MYH11: variants seen among roughly 807,000 people sequenced by gnomAD.
MYH11 encodes the protein myosin-11.
A neutral mutation model predicts 246.6 loss-of-function variants in MYH11; 80 were observed. The observed-to-expected ratio is 0.32, with a 90% confidence interval of 0.27 to 0.39. The LOEUF is 0.39. Among genes scored for constraint, MYH11 ranks in the 10% least tolerant of loss-of-function variants. The pLI, the probability that MYH11 is intolerant of heterozygous loss-of-function variation, is 1.00. For synonymous variants in MYH11, 1,071 were observed against 1,015.5 expected (o/e 1.05, Z -1.04); for missense variants, 2,158 against 2,546.8 (o/e 0.85, Z 3.29).
chr16:15,706,979 A>T (rs1474182729), intron 40 of MYH11, among the ~76,000 whole-genome samples: 1 of 152,096 alleles, frequency 6.6e-6, no homozygotes, highest in Non-Finnish European at 1.5e-5. Context: ...CACCAACTAT[A>T]CCTGTTACAG....
chr16:15,725,155 A>C, intron 28 of MYH11, 163 bp from the exon 29 acceptor site: 2 of 649,516 alleles, frequency 3.1e-6, no homozygotes, highest in East Asian at 2.7e-5. Context: ...AAAAACACAC[A>C]CACACACAAA....
chr16:15,721,159 TC>T, intron 32 of MYH11, 108 bp from the exon 33 acceptor site: 1 of 1,238,416 alleles, frequency 8.1e-7, no homozygotes, highest in South Asian at 1.3e-5. Flanking sequence ...GGCTTTGGCC[TC>T]CCACAGGATG....
At position 15,717,345 on chromosome 16, in the gene MYH11, C is replaced by T. The variant is rs377663370; in HGVS notation, c.5299G>A (p.Glu1767Lys). ...DRVRKATQQA[E>K]QLSNELATER... ...GTGGCCAGCTCGTTGCTGAGCTGCT[C>T]GGCCTGGGGAGGAGAGTGAAGGCCA... Residue 1767 changes from glutamate to lysine, a missense_variant, in exon 38 of 41, where the codon GAG (glutamate) becomes AAG (lysine). Around this residue, in one of 11 missense-constraint regions of MYH11, gnomAD observed 1,013 missense variants for 993.5 expected, o/e 1.02. Coordinates refer to ENST00000300036, the MANE Select transcript of MYH11 (RefSeq NM_002474.3). The T allele has an allele frequency of 3.1e-6, 5 of 1,606,334 alleles. No homozygotes were observed. Among genetic ancestry groups the T allele is most frequent in the East Asian group, 2.2e-5 (1 of 44,878 alleles).
rs538460777 is a variant in MYH11 at position 15,838,047 on chromosome 16, A to G, written c.206T>C (p.Val69Ala). 6.2e-7 allele frequency: 1 copy of G among 1,613,846 alleles called. No homozygotes were observed. The highest frequency in any genetic ancestry group is 1.3e-5 in the African/African-American group (1 of 74,918). Residue 69 changes from valine (V) to alanine (A), a missense_variant, in exon 2 of 41, where the codon GTC becomes GCC. Around this residue, in one of 11 missense-constraint regions of MYH11, gnomAD observed 96 missense variants for 91.9 expected, o/e 1.04. Transcript: ENST00000300036. ...VVELVENGKK[V>A]TVGKDDIQKM... ...CTGGATGTCATCTTTCCCAACCGTG[A>G]CCTTCTTGCCATTCTCCACCAGCTC... is the stretch of plus-strand genomic sequence containing the variant.
chr16:15,771,917 C>T (rs1258601586), intron 8 of MYH11, among the ~76,000 whole-genome samples: 3 of 151,948 alleles, frequency 2.0e-5, no homozygotes, highest in Non-Finnish European at 2.9e-5. Context: ...GTGCACTGCT[C>T]CAGTGACTGC....
intron 3 of MYH11, 144 bp from the exon 4 acceptor site, chr16:15,798,831 C>T (rs1246370992): frequency 1.1e-6 from 1 of 902,744 alleles, no homozygotes; most frequent in South Asian, 1.5e-5. Context: ...CAGCTGGGCT[C>T]ATTGCCCAGG....
intron 8 of MYH11, among the ~76,000 whole-genome samples, chr16:15,774,768 T>C (rs1412473544): frequency 6.6e-6 from 1 of 152,162 alleles, no homozygotes; most frequent in Non-Finnish European, 1.5e-5. Context: ...TTTTGTATTT[T>C]TGGGGAGACA....
At chr16:15,798,806 G>T in intron 3 of MYH11, 119 bp from the exon 4 acceptor site, 1 of 1,111,170 alleles carries the variant, frequency 9.0e-7, no homozygotes, top group Non-Finnish European at 1.3e-6. Flanking sequence ...GGCCTCATTG[G>T]AAGTGACAAC....
chr16:15,726,437 C>G lies in MYH11; in HGVS notation c.3858+411G>C, dbSNP rs2151223961. The G allele has an allele frequency of 2.5e-5, 7 of 280,788 alleles. No homozygotes were observed. The South Asian group carries it at 2.9e-4, about 12-fold the overall frequency. 17.4% of individuals were successfully genotyped at this position (280,788 alleles called of 1,614,324 possible). A position where few individuals can be genotyped will look rare whatever the true frequency, so the allele number is the denominator to read the frequency against. On this transcript the variant is annotated intron_variant, in intron 28 of 40. Transcript: ENST00000300036. ...CCAGGCTGGAGTACAATGGTGCGGT[C>G]TCCGCACACTGCAACCTCTGCCTCC...
In MYH11 at chr16:15,838,517, C is replaced by T. The variant is rs58145782; in HGVS notation, c.-17-248G>A. Reference sequence around the variant, plus strand: ...ATGTCCACCAACATACAGCTGGATACATAAGCCATGCTATTTCCACACTGT... The same window carrying T: ...ATGTCCACCAACATACAGCTGGATATATAAGCCATGCTATTTCCACACTGT... On this transcript the variant is annotated intron_variant, in intron 1 of 40. Transcript: ENST00000300036. Among the ~76,000 whole-genome samples the T allele has an allele frequency of 0.34, 52,359 of 151,922 alleles. 9,415 individuals carry two copies. The highest frequency in any genetic ancestry group is 0.47 in the East Asian group (2,421 of 5,128).
chr16:15,798,968 C>G (rs1298994439), intron 3 of MYH11, among the ~76,000 whole-genome samples: 3 of 152,154 alleles, frequency 2.0e-5, no homozygotes, highest in Non-Finnish European at 4.4e-5. Flanking sequence ...GGAGGTGTCC[C>G]GGGAGGCCCA....
intron 9 of MYH11, among the ~76,000 whole-genome samples, chr16:15,769,183 G>A (rs56239106): frequency 0.058 from 8,819 of 152,228 alleles, 834 homozygotes; most frequent in African/African-American, 0.2. Context: ...GGGCATGGTG[G>A]TGGGCGCCTA....
chr16:15,708,368 G>C (rs1056109671), intron 40 of MYH11, among the ~76,000 whole-genome samples: 1 of 152,176 alleles, frequency 6.6e-6, no homozygotes, highest in Non-Finnish European at 1.5e-5. Context: ...ACGTTCTCCA[G>C]GAATGTGCCC....
At chr16:15,792,388 T>C (rs546603931) in intron 4 of MYH11, 3 of 152,328 alleles carry the variant, frequency 2.0e-5, no homozygotes, top group East Asian at 1.9e-4. Context: ...ACAGAAGTTA[T>C]ATATTGTTTG....
intron 8 of MYH11, among the ~76,000 whole-genome samples, chr16:15,775,333 AC>A (rs1289995321): frequency 6.6e-6 from 1 of 152,170 alleles, no homozygotes; most frequent in Non-Finnish European, 1.5e-5. Context: ...ATGCATCTGC[AC>A]TCACTGATTT....
intron 40 of MYH11, 186 bp downstream of exon 40, chr16:15,714,723 G>A (rs1043701041): frequency 5.4e-6 from 4 of 737,122 alleles, no homozygotes; most frequent in Admixed American, 2.5e-5. Flanking sequence ...GGCAAGGCAG[G>A]GCCCGGGTCT....
intron 3 of MYH11, among the ~76,000 whole-genome samples, chr16:15,810,747 ACCTTT>A (rs1270256661): frequency 6.6e-6 from 1 of 152,140 alleles, no homozygotes; most frequent in Non-Finnish European, 1.5e-5. Flanking sequence ...AAAAATCCAG[ACCTTT>A]CAAGGGCATG....
chr16:15,717,577 T>C (rs1365626079), intron 37 of MYH11: 1 of 596,098 alleles, frequency 1.7e-6, no homozygotes, highest in Non-Finnish European at 3.0e-6. Context: ...GGTAAATCAC[T>C]TGAGCTCAGG....
At chr16:15,780,818 A>T (rs889568994) in intron 6 of MYH11, among the ~76,000 whole-genome samples, 1 of 152,074 alleles carries the variant, frequency 6.6e-6, no homozygotes, top group Non-Finnish European at 1.5e-5. Context: ...AAGCATTAAC[A>T]AGTGTTTAAA....
Sources: gnomAD v4.1 joint callset for allele counts (sites outside exome capture counted in the v4.1 genomes callset) on GRCh38, gnomAD v4.1.1 for gene constraint, gnomAD v4.1.1 regional missense constraint, MANE v1.5 for transcripts, NCBI Gene and HGNC (gene_info 2026-07-23, HGNC 2026-07-21) for gene names.